The following TAAR1 variants were observed in gnomAD, a reference collection of about 807,000 sequenced individuals.
The protein encoded by TAAR1 is trace amine associated receptor 1.
Under a neutral mutation model 1.2 loss-of-function variants are expected in TAAR1, and 1 was observed. The observed-to-expected ratio is 0.81, with a 90% CI of 0.29 to 3.86. The LOEUF (loss-of-function observed/expected upper bound fraction) is 3.86. TAAR1 is among the 30% of genes most tolerant of loss of function. The probability of loss-of-function intolerance (pLI) is 0.18; values close to 1 mark genes in which losing one functional copy is unlikely to be tolerated. For missense variants in TAAR1, 445 were observed against 405.6 expected, an observed-to-expected ratio of 1.10 and a Z score of -0.83; for synonymous variants, 153 against 132.2, an observed-to-expected ratio of 1.16 and a Z score of -1.08.
rs1777625379 is a variant in TAAR1 at position 132,643,792 on chromosome 6, T to G, written c.*1192A>C. Among the ~76,000 whole-genome samples, 2 of 152,018 alleles carry G rather than the reference T, an allele frequency of 1.3e-5. No homozygotes were observed. The highest frequency in any genetic ancestry group is 2.9e-5 in the Non-Finnish European group (2 of 67,932). The stretch of plus-strand genomic sequence containing the variant: ...AATTTAGAATGTTTGCCCACTTCCT[T>G]TAGAGAATCTTATTTGAAACCATTA... On this transcript the variant is annotated 3_prime_UTR_variant, in exon 2 of 2. Transcript: ENST00000275216.
chr6:132,647,878 G>A (rs1777704496), intron 1 of TAAR1, among the ~76,000 whole-genome samples: 1 of 151,958 alleles, frequency 6.6e-6, no homozygotes, highest in South Asian at 2.1e-4. Flanking sequence ...TTTAGAATGA[G>A]AGAAATGCAA....
intron 1 of TAAR1, among the ~76,000 whole-genome samples, chr6:132,649,750 C>A (rs1777730371): frequency 6.6e-6 from 1 of 152,110 alleles, no homozygotes; most frequent in South Asian, 2.1e-4. Flanking sequence ...GAGGTAGCTT[C>A]CCCCATCATT....
intron 1 of TAAR1, among the ~76,000 whole-genome samples, chr6:132,657,608 C>A (rs1326027122): frequency 6.6e-6 from 1 of 151,678 alleles, no homozygotes; most frequent in Non-Finnish European, 1.5e-5. Context: ...TTAAAAATAT[C>A]ATAAATAGGG....
Position 132,644,675 on chromosome 6 carries a change from C to T in TAAR1, c.*309G>A, listed in dbSNP as rs1777639297. On this transcript the variant is annotated 3_prime_UTR_variant, in exon 2 of 2. Coordinates refer to ENST00000275216, the MANE Select transcript of TAAR1 (RefSeq NM_138327.4). ...CAGCCCTATAGTTTCCACCACTGAACAGCTGACTAAGGTACCACAGTAAAC... is the reference window on the plus strand; with the variant it reads ...CAGCCCTATAGTTTCCACCACTGAATAGCTGACTAAGGTACCACAGTAAAC... Among the ~76,000 whole-genome samples, 1 of 151,976 alleles carries T rather than the reference C, an allele frequency of 6.6e-6. No homozygotes were observed. The highest frequency in any genetic ancestry group is 1.9e-4 in the East Asian group (1 of 5,190).
intron 1 of TAAR1, among the ~76,000 whole-genome samples, chr6:132,655,955 A>C (rs1229537239): frequency 6.6e-6 from 1 of 152,156 alleles, no homozygotes; most frequent in East Asian, 1.9e-4. Flanking sequence ...GGTACTAGTT[A>C]GAGAGATGGG....
chr6:132,645,653 G>A lies in TAAR1; in HGVS notation c.351C>T (p.Ile117=). The stretch of plus-strand genomic sequence containing the variant: ...ACACAGCATAGTAGCGGTCAATGGA[G>A]ATGAAAGACAAATGGAAAATGGAGG... ...SSASIFHLSF[I]SIDRYYAVCD... The change falls in exon 2 of 2, where the codon ATC becomes ATT. Residue 117 remains isoleucine (I), a synonymous_variant. Transcript: ENST00000275216. 6.2e-7 allele frequency: 1 copy of A among 1,613,610 alleles called. No individual in the cohort carries two copies. Among genetic ancestry groups the A allele is most frequent in the Non-Finnish European group, 8.5e-7 (1 of 1,179,792 alleles).
At chr6:132,646,543 C>T (rs1777674898) in intron 1 of TAAR1, among the ~76,000 whole-genome samples, 1 of 152,100 alleles carries the variant, frequency 6.6e-6, no homozygotes, top group East Asian at 1.9e-4. Context: ...TTAAATGTGC[C>T]TCTTGTGCAG....
Position 132,644,933 on chromosome 6 carries a change from T to C in TAAR1, c.*51A>G. ...GGTGCATGTGGTTCGTTATGTTGTG[T>C]TCATAAATATGATCATCAACCGATT... On this transcript the variant is annotated 3_prime_UTR_variant, in exon 2 of 2. Transcript: ENST00000275216. 1 of 1,421,998 alleles carries C rather than the reference T, an allele frequency of 7.0e-7. No individual in the cohort carries two copies. Among genetic ancestry groups the C allele is most frequent in the Non-Finnish European group, 9.4e-7 (1 of 1,069,296 alleles). The allele number at this position is 1,421,998 out of a possible 1,614,324, so 88.1% of individuals were successfully genotyped here.
intron 1 of TAAR1, among the ~76,000 whole-genome samples, chr6:132,651,577 C>T (rs758266151): frequency 1.3e-5 from 2 of 152,034 alleles, no homozygotes; most frequent in Non-Finnish European, 2.9e-5. Context: ...ATGATCTTGG[C>T]CCTTCATTAA....
chr6:132,650,561 T>C (rs941911740), intron 1 of TAAR1, among the ~76,000 whole-genome samples: 4 of 152,254 alleles, frequency 2.6e-5, no homozygotes, highest in Admixed American at 2.0e-4. Flanking sequence ...GAATCTCAAA[T>C]ACTTATTCAC....
intron 1 of TAAR1, among the ~76,000 whole-genome samples, chr6:132,647,672 GAAAGAAAGAAGA>G (rs1423462796): frequency 2.7e-5 from 4 of 147,814 alleles, no homozygotes; most frequent in African/African-American, 1.0e-4. Context: ...AAGAAAGAAA[GAAAGAAAGAAGA>G]AAGAAAGGAA....
intron 1 of TAAR1, among the ~76,000 whole-genome samples, chr6:132,655,751 G>A (rs915564189): frequency 1.4e-4 from 22 of 152,164 alleles, no homozygotes; most frequent in African/African-American, 4.1e-4. Flanking sequence ...CTGCTGCAAC[G>A]GAAGCTGTCA....
chr6:132,649,885 C>T (rs1013032657), intron 1 of TAAR1, among the ~76,000 whole-genome samples: 3 of 151,016 alleles, frequency 2.0e-5, no homozygotes, highest in African/African-American at 7.3e-5. Flanking sequence ...GTACAGACTC[C>T]CAAGTCATCT....
Position 132,645,172 on chromosome 6 carries a change from G to A in TAAR1, c.832C>T (p.His278Tyr). The change falls in exon 2 of 2, where the codon CAC becomes TAC. Residue 278 changes from histidine (H) to tyrosine (Y), a missense_variant. Coordinates refer to ENST00000275216, the MANE Select transcript of TAAR1 (RefSeq NM_138327.4). ...TTCAAAGTAGGTGGAATAATGTAGTGAAGAAAAGGGTCCATGACTGTACAG... is the reference window on the plus strand; with the variant it reads ...TTCAAAGTAGGTGGAATAATGTAGTAAAGAAAAGGGTCCATGACTGTACAG... ...FICTVMDPFL[H>Y]YIIPPTLNDV... is the part of the protein sequence containing the mutation. 6.2e-7 allele frequency: 1 copy of A among 1,612,496 alleles called. No individual in the cohort carries two copies. The highest frequency in any genetic ancestry group is 8.5e-7 in the Non-Finnish European group (1 of 1,179,442).
Position 132,645,291 on chromosome 6 carries a change from T to C in TAAR1, c.713A>G (p.Lys238Arg), listed in dbSNP as rs780644761. Residue 238 changes from lysine to arginine, a missense_variant, in exon 2 of 2, where the codon AAA (lysine) becomes AGA (arginine). Lys to Arg is a conservative substitution (Grantham distance 26). Transcript: ENST00000275216. The part of the protein sequence containing the change: ...NQKLQIGLEM[K>R]NGISQSKERK... Reference sequence around the variant, plus strand: ...TTCTTTGCTTTGTGAAATTCCATTTTTCATTTCCAATCCAATTTGGAGCTT... The same window carrying C: ...TTCTTTGCTTTGTGAAATTCCATTTCTCATTTCCAATCCAATTTGGAGCTT... 67 of 1,613,642 alleles carry C rather than the reference T, an allele frequency of 4.2e-5. No individual in the cohort carries two copies. Among genetic ancestry groups the C allele is most frequent in the Non-Finnish European group, 5.3e-5 (63 of 1,179,830 alleles).
At chr6:132,654,625 A>G (rs929534964) in intron 1 of TAAR1, among the ~76,000 whole-genome samples, 1 of 152,226 alleles carries the variant, frequency 6.6e-6, no homozygotes, top group Admixed American at 6.5e-5. Flanking sequence ...TGACTTTACG[A>G]TATATTCAAG....
In TAAR1 at chr6:132,644,591, A is replaced by G. The variant is rs952557146; in HGVS notation, c.*393T>C. On this transcript the variant is annotated 3_prime_UTR_variant, in exon 2 of 2. Transcript: ENST00000275216. ...ATTTTACTAAAAGACTTATACACATATGTGACCAGGACATGTATACGTATA... is the reference window on the plus strand; with the variant it reads ...ATTTTACTAAAAGACTTATACACATGTGTGACCAGGACATGTATACGTATA... Among the ~76,000 whole-genome samples the G allele has an allele frequency of 6.6e-6, 1 of 152,090 alleles. No homozygotes were observed. Among genetic ancestry groups the G allele is most frequent in the African/African-American group, 2.4e-5 (1 of 41,416 alleles).
In TAAR1 at chr6:132,645,108, A is replaced by G. The variant is rs756432455; in HGVS notation, c.896T>C (p.Phe299Ser). Residue 299 changes from phenylalanine (F) to serine (S), a missense_variant, in exon 2 of 2, where the codon TTT becomes TCT. Coordinates refer to ENST00000275216, the MANE Select transcript of TAAR1 (RefSeq NM_138327.4). ...GAAAAATGCATAAACCATTGGATTAAATGTAGAGTTCAAGTAGCCAAACCA... is the reference window on the plus strand; with the variant it reads ...GAAAAATGCATAAACCATTGGATTAGATGTAGAGTTCAAGTAGCCAAACCA... Reference protein sequence around the residue: ...LIWFGYLNSTFNPMVYAFFYP... With the variant: ...LIWFGYLNSTSNPMVYAFFYP... 1 of 1,613,064 alleles carries G rather than the reference A, an allele frequency of 6.2e-7. No homozygotes were observed. Among genetic ancestry groups the G allele is most frequent in the Non-Finnish European group, 8.5e-7 (1 of 1,179,534 alleles).
At chr6:132,648,407 AAATTTCACTTTTAGAAGAGG>A (rs1478727432) in intron 1 of TAAR1, among the ~76,000 whole-genome samples, 1 of 152,218 alleles carries the variant, frequency 6.6e-6, no homozygotes, top group Non-Finnish European at 1.5e-5. Context: ...AGCAAAATAC[AAATTTCACTTTTAGAAGAGG>A]AAATTCACAG....
Sources: allele counts gnomAD v4.1 joint callset (sites outside exome capture counted in the v4.1 genomes callset), GRCh38; gene constraint gnomAD v4.1.1; transcripts MANE v1.5; gene names NCBI Gene and HGNC (gene_info 2026-07-23, HGNC 2026-07-21).